The following ARMC2 variants were observed in gnomAD, a reference collection of about 807,000 sequenced individuals.
The protein encoded by ARMC2 is armadillo repeat-containing protein 2.
ARMC2 carries 67 observed loss-of-function variants against 90.3 expected under a neutral mutation model. The observed-to-expected ratio is 0.74, with a 90% CI of 0.61 to 0.91. The LOEUF (loss-of-function observed/expected upper bound fraction) is 0.91, where lower values mean the gene tolerates loss of function less well. Ranked by LOEUF, ARMC2 falls within the 40% of genes least tolerant of loss-of-function variation. The probability of loss-of-function intolerance (pLI) is 0.00; values close to 1 mark genes in which losing one functional copy is unlikely to be tolerated. For missense variants in ARMC2, 920 were observed against 1,030.9 expected, an observed-to-expected ratio of 0.89 and a Z score of 1.47; for synonymous variants, 393 against 393.0, an observed-to-expected ratio of 1.00 and a Z score of 0.00.
At chr6:108,877,744 A>G (rs894508212) in intron 5 of ARMC2, among the ~76,000 whole-genome samples, 1 of 152,254 alleles carries the variant, frequency 6.6e-6, no homozygotes, top group African/African-American at 2.4e-5. Flanking sequence ...TTTATTTGCA[A>G]ACCTTCAGAT....
Position 108,853,682 on chromosome 6 carries a change from T to G in ARMC2, c.-43-543T>G, listed in dbSNP as rs151322725. On this transcript the variant is annotated intron_variant, in intron 1 of 17. Transcript: ENST00000392644. ...GATCAGTTGGTATTGATATTTGGTA[T>G]TTATTTACTTAGGTCATTACCTCAA... Among the ~76,000 whole-genome samples, 296 of 152,298 alleles carry G rather than the reference T, an allele frequency of 1.9e-3. 1 individual carries two copies. The highest frequency in any genetic ancestry group is 6.9e-3 in the African/African-American group (285 of 41,560).
chr6:108,877,578 A>C (rs989763419), intron 5 of ARMC2, among the ~76,000 whole-genome samples: 2 of 152,242 alleles, frequency 1.3e-5, no homozygotes, highest in Non-Finnish European at 1.5e-5. Flanking sequence ...GGTGAATAAG[A>C]ATAGGCTGTG....
At chr6:109,008,429 A>C in the ARMC2 span, among the ~76,000 whole-genome samples, 1 of 151,014 alleles carries the variant, frequency 6.6e-6, no homozygotes, top group African/African-American at 2.4e-5. Flanking sequence ...ATATGTCCAT[A>C]AATGTTAAAA....
chr6:108,876,411 C>T (rs915201279), intron 5 of ARMC2, 61 bp downstream of exon 5: 13 of 1,503,602 alleles, frequency 8.6e-6, no homozygotes, highest in Admixed American at 2.2e-5. Flanking sequence ...CCAGTTTCTT[C>T]TCTATTTTAT....
chr6:108,927,709 TA>T (rs34790939), intron 10 of ARMC2, among the ~76,000 whole-genome samples: 192 of 145,102 alleles, frequency 1.3e-3, no homozygotes, highest in African/African-American at 2.4e-3. Context: ...CCTATAAAAT[TA>T]AAAAAAAAAA....
At chr6:108,920,781 C>T (rs1774479414) in intron 10 of ARMC2, among the ~76,000 whole-genome samples, 1 of 152,116 alleles carries the variant, frequency 6.6e-6, no homozygotes. Context: ...ATGTCTGTCC[C>T]TGGAGGAGCA....
chr6:108,921,244 A>G (rs1774537132), intron 10 of ARMC2, among the ~76,000 whole-genome samples: 1 of 152,226 alleles, frequency 6.6e-6, no homozygotes, highest in Non-Finnish European at 1.5e-5. Context: ...TAGAAGAATC[A>G]GCTACCTACT....
chr6:108,961,925 C>A, intron 14 of ARMC2, 89 bp from the exon 15 acceptor site: 1 of 1,010,818 alleles, frequency 9.9e-7, no homozygotes. Context: ...ATTTGAAAAT[C>A]ATCAGTATTA....
chr6:109,035,191 G>A, the ARMC2 span, among the ~76,000 whole-genome samples: 18 of 151,682 alleles, frequency 1.2e-4, no homozygotes, highest in African/African-American at 4.1e-4. Flanking sequence ...TTTCATCCTA[G>A]AAGTTCAACT....
the ARMC2 span, among the ~76,000 whole-genome samples, chr6:109,035,635 G>A: frequency 6.6e-6 from 1 of 151,856 alleles, no homozygotes. Context: ...CTTTTTTTGA[G>A]AAGGGGTCTC....
chr6:108,901,417 A>T (rs1430132538), intron 7 of ARMC2, among the ~76,000 whole-genome samples: 2 of 145,290 alleles, frequency 1.4e-5, no homozygotes, highest in African/African-American at 2.6e-5. Flanking sequence ...ACCTGGCCTA[A>T]TTTTTTTTTT....
intron 2 of ARMC2, among the ~76,000 whole-genome samples, chr6:108,857,624 T>C (rs1287904839): frequency 6.6e-6 from 1 of 152,244 alleles, no homozygotes; most frequent in Non-Finnish European, 1.5e-5. Context: ...AATATGATGT[T>C]AGCTGTAGGT....
At chr6:109,033,494 C>T in the ARMC2 span, among the ~76,000 whole-genome samples, 3 of 152,270 alleles carry the variant, frequency 2.0e-5, no homozygotes, top group East Asian at 3.9e-4. Context: ...CACTTCTGGA[C>T]AGGATGCCTC....
chr6:108,922,261 C>G (rs1349755914), intron 10 of ARMC2, among the ~76,000 whole-genome samples: 1 of 151,840 alleles, frequency 6.6e-6, no homozygotes, highest in Non-Finnish European at 1.5e-5. Context: ...GTCCGGAGGG[C>G]CCCCCCACCC....
chr6:108,893,811 G>A (rs574764137), intron 5 of ARMC2, among the ~76,000 whole-genome samples: 17 of 151,986 alleles, frequency 1.1e-4, no homozygotes, highest in Admixed American at 3.9e-4. Context: ...GAGGTCAGGA[G>A]TTTGAGAACA....
At chr6:109,019,522 G>A in the ARMC2 span, among the ~76,000 whole-genome samples, 2 of 152,084 alleles carry the variant, frequency 1.3e-5, no homozygotes, top group African/African-American at 4.8e-5. Context: ...CCTGTCCTGG[G>A]TCTAGTCTAT....
the ARMC2 span, among the ~76,000 whole-genome samples, chr6:109,049,025 C>A: frequency 6.6e-6 from 1 of 152,156 alleles, no homozygotes; most frequent in East Asian, 1.9e-4. Flanking sequence ...TTGTACAGAG[C>A]TAGCTTTCAA....
At chr6:108,875,100 TC>T (rs35407235) in intron 4 of ARMC2, among the ~76,000 whole-genome samples, 1 of 152,266 alleles carries the variant, frequency 6.6e-6, no homozygotes, top group Admixed American at 6.5e-5. Flanking sequence ...TTTACTCTCT[TC>T]CCCTTTAACA....
At chr6:108,988,448 G>C in the ARMC2 span, 1 of 1,103,390 alleles carries the variant, frequency 9.1e-7, no homozygotes, top group East Asian at 2.6e-5. Flanking sequence ...GGTTGGTAGG[G>C]GTGATGGAAA....
Sources: gnomAD v4.1 joint callset for allele counts (sites outside exome capture counted in the v4.1 genomes callset) on GRCh38, gnomAD v4.1.1 for gene constraint, MANE v1.5 for transcripts, NCBI Gene and HGNC (gene_info 2026-07-23, HGNC 2026-07-21) for gene names.